The following PTPN13 variants were observed in gnomAD, a reference collection of about 807,000 sequenced individuals.
PTPN13 encodes tyrosine-protein phosphatase non-receptor type 13.
A neutral mutation model predicts 284.0 loss-of-function variants in PTPN13; 191 were observed. The ratio of observed to expected loss-of-function variants is 0.67; its 90% CI spans 0.60 to 0.76. The LOEUF (loss-of-function observed/expected upper bound fraction) is 0.76, where lower values mean the gene tolerates loss of function less well. Ranked by LOEUF, PTPN13 falls within the 30% of genes least tolerant of loss-of-function variation. The pLI is 0.00. For missense variants in PTPN13, 2,797 were observed against 2,939.9 expected, an observed-to-expected ratio of 0.95 and a Z score of 1.12; for synonymous variants, 986 against 1,022.3, an observed-to-expected ratio of 0.96 and a Z score of 0.68.
chr4:86,733,229 T>C (rs1052715929), intron 12 of PTPN13, among the ~76,000 whole-genome samples: 4 of 152,230 alleles, frequency 2.6e-5, no homozygotes, highest in Admixed American at 1.3e-4. Context: ...TTTTAAATAT[T>C]GTATCCACTT....
intron 34 of PTPN13, 31 bp downstream of exon 34, chr4:86,775,373 A>C (rs770666135): frequency 6.2e-7 from 1 of 1,604,656 alleles, no homozygotes; most frequent in Non-Finnish European, 8.5e-7. Context: ...GTACAATATG[A>C]TTTTCTTGGT....
At chr4:86,791,783 C>T (rs1348792968) in intron 40 of PTPN13, among the ~76,000 whole-genome samples, 1 of 152,166 alleles carries the variant, frequency 6.6e-6, no homozygotes, top group Non-Finnish European at 1.5e-5. Context: ...AGAAGGGAAA[C>T]TAACAAACAG....
chr4:86,717,796 C>CAGAA (rs1385102167), intron 9 of PTPN13, among the ~76,000 whole-genome samples: 3 of 152,094 alleles, frequency 2.0e-5, no homozygotes, highest in East Asian at 3.9e-4. Flanking sequence ...AGCAAGCTTT[C>CAGAA]AGTGAGTATT....
Position 86,771,449 on chromosome 4 carries a change from T to C in PTPN13, c.5082T>C (p.His1694=), listed in dbSNP as rs781287072. 1.3e-6 allele frequency: 2 copies of C among 1,565,712 alleles called. No homozygotes were observed. The highest frequency in any genetic ancestry group is 1.7e-6 in the Non-Finnish European group (2 of 1,153,518). The change falls in exon 31 of 48, where the codon CAT becomes CAC. Residue 1694 remains histidine, a synonymous_variant. Coordinates refer to ENST00000411767, the MANE Select transcript of PTPN13 (RefSeq NM_080683.3). The part of the protein sequence containing the change: ...SNMVSQAQSH[H]EAPKSQEDTI... ...TGGTATCACAGGCACAGAGTCATCA[T>C]GAAGCACCCAAGAGTCAAGAAGATA...
intron 2 of PTPN13, among the ~76,000 whole-genome samples, chr4:86,639,327 G>T (rs1328280964): frequency 2.0e-5 from 3 of 152,194 alleles, no homozygotes; most frequent in South Asian, 4.2e-4. Context: ...CCATTACTGG[G>T]TATATACCCA....
chr4:86,626,194 T>G (rs1240568798), intron 1 of PTPN13, among the ~76,000 whole-genome samples: 1 of 152,146 alleles, frequency 6.6e-6, no homozygotes, highest in African/African-American at 2.4e-5. Flanking sequence ...CTTCTTATTC[T>G]TTGAAGCTGT....
intron 3 of PTPN13, among the ~76,000 whole-genome samples, chr4:86,680,348 T>C (rs1297322635): frequency 9.8e-5 from 2 of 20,410 alleles, no homozygotes; most frequent in South Asian, 3.9e-3. Context: ...TCTATCTATC[T>C]CTATCTATCT....
intron 7 of PTPN13, among the ~76,000 whole-genome samples, chr4:86,709,783 A>G (rs1732174464): frequency 6.6e-6 from 1 of 152,180 alleles, no homozygotes; most frequent in Non-Finnish European, 1.5e-5. Flanking sequence ...TGGCTACTAT[A>G]TCACACAAGA....
In PTPN13 at chr4:86,782,182, T is replaced by A. The variant is rs776208355; in HGVS notation, c.5963-19T>A. 1.1e-5 allele frequency: 18 copies of A among 1,570,486 alleles called. 1 individual carries two copies. The South Asian group carries it at 2.0e-4, about 17-fold the overall frequency. On this transcript the variant is annotated intron_variant, in intron 36 of 47. Transcript: ENST00000411767. ...GTTTGGATTGGCTCATCCCCTTACT[T>A]CCTATATTGTCCTTTCAGGTTCCTA...
intron 10 of PTPN13, among the ~76,000 whole-genome samples, chr4:86,729,562 T>A (rs955566694): frequency 1.3e-5 from 2 of 149,668 alleles, no homozygotes; most frequent in African/African-American, 2.4e-5. Context: ...TTCTCTAATC[T>A]TGTCTTCTCG....
intron 40 of PTPN13, among the ~76,000 whole-genome samples, chr4:86,794,191 C>G (rs1229633668): frequency 1.3e-5 from 2 of 152,090 alleles, no homozygotes; most frequent in African/African-American, 4.8e-5. Context: ...AGCTGATAAG[C>G]AACTTCAGCA....
chr4:86,773,426 A>G (rs1740233501), intron 32 of PTPN13, among the ~76,000 whole-genome samples: 1 of 151,860 alleles, frequency 6.6e-6, no homozygotes, highest in African/African-American at 2.4e-5. Context: ...TTTCTCCTCC[A>G]CACTTTTTTT....
intron 7 of PTPN13, among the ~76,000 whole-genome samples, chr4:86,714,024 C>T (rs1437450944): frequency 6.6e-6 from 1 of 151,396 alleles, no homozygotes; most frequent in African/African-American, 2.4e-5. Context: ...CTTCGTGTCA[C>T]TCCCCAGTTT....
chr4:86,675,048 AT>A (rs976436977), intron 3 of PTPN13, among the ~76,000 whole-genome samples: 3 of 152,200 alleles, frequency 2.0e-5, no homozygotes, highest in African/African-American at 7.2e-5. Context: ...TGCTTTTCTG[AT>A]TTTCTGAGAG....
At chr4:86,692,192 A>T (rs1459045624) in intron 5 of PTPN13, among the ~76,000 whole-genome samples, 2 of 152,230 alleles carry the variant, frequency 1.3e-5, no homozygotes, top group Admixed American at 1.3e-4. Context: ...TTCAATAAAC[A>T]ACAGTTATTA....
intron 1 of PTPN13, among the ~76,000 whole-genome samples, chr4:86,618,954 TC>T (rs1482174340): frequency 6.6e-6 from 1 of 152,208 alleles, no homozygotes; most frequent in African/African-American, 2.4e-5. Flanking sequence ...GGCCAGAACT[TC>T]CAACAGTACG....
rs1449567392 is a variant in PTPN13 at position 86,770,152 on chromosome 4, T to C, written c.4756T>C (p.Cys1586Arg). 6.2e-7 allele frequency: 1 copy of C among 1,613,830 alleles called. No homozygotes were observed. Among genetic ancestry groups the C allele is most frequent in the Admixed American group, 1.7e-5 (1 of 59,996 alleles). ...GTAPEVFLLL[C>R]RPPPGVLPEI... ...TGCTCCAGAAGTATTCTTGCTTCTC[T>C]GCAGACCTCCACCTGGTGTGCTACC... Residue 1586 changes from cysteine to arginine, a missense_variant, in exon 30 of 48, where the codon TGC (cysteine) becomes CGC (arginine). Physicochemically the swap from Cys to Arg is radical, Grantham distance 180. Transcript: ENST00000411767.
chr4:86,646,290 ATTTTTTTTT>A (rs772882076), intron 2 of PTPN13, among the ~76,000 whole-genome samples: 20 of 132,860 alleles, frequency 1.5e-4, no homozygotes, highest in Non-Finnish European at 2.6e-4. Flanking sequence ...AATATTTGCA[ATTTTTTTTT>A]TTTTTTTTTT....
chr4:86,644,797 A>T (rs950863948), intron 2 of PTPN13, among the ~76,000 whole-genome samples: 3 of 152,212 alleles, frequency 2.0e-5, no homozygotes, highest in Non-Finnish European at 2.9e-5. Flanking sequence ...TTGAACTTTC[A>T]CAAATCAATC....
Sources: gnomAD v4.1 joint callset for allele counts (sites outside exome capture counted in the v4.1 genomes callset) on GRCh38, gnomAD v4.1.1 for gene constraint, MANE v1.5 for transcripts, NCBI Gene and HGNC (gene_info 2026-07-23, HGNC 2026-07-21) for gene names.